VWA5B1: variants seen among roughly 807,000 people sequenced by gnomAD.
VWA5B1 encodes von Willebrand factor A domain-containing protein 5B1.
A neutral mutation model predicts 118.2 loss-of-function variants in VWA5B1; 115 were observed. That is an observed-to-expected ratio of 0.97 (90% CI 0.84 to 1.14). The LOEUF is 1.14. VWA5B1 is among the 50% of genes most tolerant of loss of function. The probability of loss-of-function intolerance (pLI) is 0.00; values close to 1 mark genes in which losing one functional copy is unlikely to be tolerated. For synonymous variants in VWA5B1, 682 were observed against 658.4 expected, an observed-to-expected ratio of 1.04 and a Z score of -0.55; for missense variants, 1,596 against 1,603.8, an observed-to-expected ratio of 1.00 and a Z score of 0.08.
chr1:20,333,618 CT>C (rs749320532), intron 12 of VWA5B1, among the ~76,000 whole-genome samples: 9 of 152,344 alleles, frequency 5.9e-5, no homozygotes, highest in Admixed American at 1.3e-4. Flanking sequence ...AACAAATGCA[CT>C]CAGATTTCCT....
chr1:20,302,383 A>C (rs533563634), intron 1 of VWA5B1, among the ~76,000 whole-genome samples: 2 of 152,306 alleles, frequency 1.3e-5, no homozygotes, highest in East Asian at 3.9e-4. Context: ...GACACATTTC[A>C]TTCTATTTAT....
chr1:20,321,302 T>G (rs1395656573), intron 7 of VWA5B1, among the ~76,000 whole-genome samples: 2 of 152,006 alleles, frequency 1.3e-5, no homozygotes, highest in Non-Finnish European at 2.9e-5. Context: ...GAAAAGCAAA[T>G]CAGGCCGGGC....
chr1:20,320,286 G>T (rs1391207539), intron 7 of VWA5B1, among the ~76,000 whole-genome samples: 1 of 152,242 alleles, frequency 6.6e-6, no homozygotes, highest in African/African-American at 2.4e-5. Context: ...GGAGGCTAAG[G>T]GATGAGAACG....
intron 2 of VWA5B1, among the ~76,000 whole-genome samples, chr1:20,311,642 A>G (rs2088851892): frequency 1.3e-5 from 2 of 152,184 alleles, no homozygotes; most frequent in South Asian, 4.1e-4. Context: ...AATTGTGGGA[A>G]GGCTAGGAGG....
intron 2 of VWA5B1, 54 bp downstream of exon 2, chr1:20,310,794 C>G: frequency 6.8e-7 from 1 of 1,468,716 alleles, no homozygotes; most frequent in Non-Finnish European, 9.0e-7. Context: ...CACAGTGAAT[C>G]CCTGTTTTGA....
At chr1:20,353,351 G>A (rs1185883033) in intron 21 of VWA5B1, among the ~76,000 whole-genome samples, 1 of 152,102 alleles carries the variant, frequency 6.6e-6, no homozygotes, top group Non-Finnish European at 1.5e-5. Context: ...GGAGAGGGGA[G>A]GAAAGAGGAG....
intron 1 of VWA5B1, among the ~76,000 whole-genome samples, chr1:20,299,180 C>T (rs1382893625): frequency 2.6e-5 from 4 of 152,122 alleles, no homozygotes; most frequent in African/African-American, 9.7e-5. Context: ...AACCCTGCCT[C>T]CTTAAACCTG....
intron 8 of VWA5B1, among the ~76,000 whole-genome samples, chr1:20,324,390 G>A (rs1176728194): frequency 6.6e-6 from 1 of 152,068 alleles, no homozygotes. Context: ...ACCCCCAGGA[G>A]ATTACTGGTC....
intron 15 of VWA5B1, 77 bp downstream of exon 15, chr1:20,342,686 GC>G: frequency 7.0e-7 from 1 of 1,425,142 alleles, no homozygotes. Flanking sequence ...CAGATGACAG[GC>G]CCAGAGGGCA....
intron 12 of VWA5B1, among the ~76,000 whole-genome samples, chr1:20,335,044 C>T (rs76945241): frequency 0.044 from 6,668 of 152,226 alleles, 201 homozygotes; most frequent in Middle Eastern, 0.089. Flanking sequence ...CATGGTGGCT[C>T]ACACCTGTAA....
chr1:20,304,690 G>A lies in VWA5B1; in HGVS notation c.-26-5886G>A, dbSNP rs114330344. On this transcript the variant is annotated intron_variant, in intron 1 of 21. Transcript: ENST00000289815. ...GAGATCAGTGAAGCAGCAGCAATGG[G>A]AAGAGAGAAGAGAGGATTGCAAGAC... Among the ~76,000 whole-genome samples, 828 of 152,238 alleles carry A rather than the reference G, an allele frequency of 5.4e-3. 6 individuals are homozygous for A. The highest frequency in any genetic ancestry group is 8.6e-3 in the Non-Finnish European group (585 of 68,022).
intron 1 of VWA5B1, among the ~76,000 whole-genome samples, chr1:20,296,468 A>G (rs562044441): frequency 6.6e-6 from 1 of 152,356 alleles, no homozygotes; most frequent in Admixed American, 6.5e-5. Flanking sequence ...AGAACCTGGC[A>G]TTTAGGCCAG....
At chr1:20,315,908 T>C (rs1039418284) in intron 4 of VWA5B1, among the ~76,000 whole-genome samples, 1 of 151,964 alleles carries the variant, frequency 6.6e-6, no homozygotes, top group Non-Finnish European at 1.5e-5. Context: ...ACGAGCCTTG[T>C]GCATTTGAGA....
chr1:20,346,419 T>C (rs2090009125), intron 17 of VWA5B1, among the ~76,000 whole-genome samples: 1 of 152,256 alleles, frequency 6.6e-6, no homozygotes, highest in South Asian at 2.1e-4. Context: ...TTGCAATTTT[T>C]AAAATCTATT....
intron 14 of VWA5B1, among the ~76,000 whole-genome samples, chr1:20,341,855 C>A (rs1221917927): frequency 1.3e-5 from 2 of 152,172 alleles, no homozygotes; most frequent in Non-Finnish European, 2.9e-5. Flanking sequence ...ACTGATTAAA[C>A]TGCCTGGATT....
intron 12 of VWA5B1, 41 bp from the exon 13 acceptor site, chr1:20,336,262 C>G: frequency 1.5e-6 from 2 of 1,314,280 alleles, no homozygotes; most frequent in Non-Finnish European, 2.0e-6. Context: ...TTCCTGACAC[C>G]TAGCCTCACT....
rs1408756436 is a variant in VWA5B1 at position 20,358,176 on chromosome 1, GCTGCCACTCA to G, written c.*3922_*3931del. ...CATCCCCTAGCCTTCACTGACCTGAGCTGCCACTCACTGCCACTTGCTGTGGCTGATGAAT... is the reference window on the plus strand; with the variant it reads ...CATCCCCTAGCCTTCACTGACCTGAGCTGCCACTTGCTGTGGCTGATGAAT... On this transcript the variant is annotated 3_prime_UTR_variant, in exon 22 of 22. Coordinates refer to ENST00000289815, the MANE Select transcript of VWA5B1 (RefSeq NM_001039500.3). Among the ~76,000 whole-genome samples the G allele has an allele frequency of 6.6e-6, 1 of 152,204 alleles. No homozygotes were observed. Among genetic ancestry groups the G allele is most frequent in the African/African-American group, 2.4e-5 (1 of 41,444 alleles).
chr1:20,341,292 A>G lies in VWA5B1; in HGVS notation c.2134-1140A>G, dbSNP rs2089868999. On this transcript the variant is annotated intron_variant, in intron 14 of 21. Transcript: ENST00000289815. ...ACAGTACTTGCACATCGATATTTGCACTCTTGTGTATTTCCACAAGATTGA... is the reference window on the plus strand; with the variant it reads ...ACAGTACTTGCACATCGATATTTGCGCTCTTGTGTATTTCCACAAGATTGA... Among the ~76,000 whole-genome samples, 2 of 152,174 alleles carry G rather than the reference A, an allele frequency of 1.3e-5. 1 individual carries two copies. Among genetic ancestry groups the G allele is most frequent in the South Asian group, 4.1e-4 (2 of 4,830 alleles).
In VWA5B1 at chr1:20,357,891, G is replaced by C. The variant is rs1281903848; in HGVS notation, c.*3628G>C. Among the ~76,000 whole-genome samples the C allele has an allele frequency of 6.6e-6, 1 of 152,156 alleles. No homozygotes were observed. Among genetic ancestry groups the C allele is most frequent in the Admixed American group, 6.5e-5 (1 of 15,280 alleles). On this transcript the variant is annotated 3_prime_UTR_variant, in exon 22 of 22. Transcript: ENST00000289815. ...CTCATGGTATTGCACAGCCAGAGGG[G>C]AGTTGGTGCTGGGGGCCTCCTTGTC...
Sources: gnomAD v4.1 joint callset for allele counts (sites outside exome capture counted in the v4.1 genomes callset) on GRCh38, gnomAD v4.1.1 for gene constraint, MANE v1.5 for transcripts, NCBI Gene and HGNC (gene_info 2026-07-23, HGNC 2026-07-21) for gene names.